Variants in LYRM4 observed in about 807,000 individuals in gnomAD.
LYRM4 encodes LYR motif containing 4.
LYRM4 carries 9 observed loss-of-function variants against 11.7 expected under a neutral mutation model. The ratio of observed to expected loss-of-function variants is 0.77; its 90% CI spans 0.46 to 1.34. The LOEUF is 1.34. Among genes scored for constraint, LYRM4 ranks in the 40% most tolerant of loss-of-function variants. The probability of loss-of-function intolerance (pLI) is 0.00; values close to 1 mark genes in which losing one functional copy is unlikely to be tolerated. For synonymous variants in LYRM4, 42 were observed against 40.4 expected (o/e 1.04, Z -0.15); for missense variants, 133 against 112.5 (o/e 1.18, Z -0.82).
the LYRM4 span, chr6:5,086,360 A>G: frequency 3.9e-6 from 6 of 1,536,036 alleles, no homozygotes; most frequent in African/African-American, 8.2e-5. Flanking sequence ...GGGGATGCCA[A>G]GAAAGAGCCA....
chr6:5,208,312 C>T (rs138997825), intron 2 of LYRM4, among the ~76,000 whole-genome samples: 6 of 152,312 alleles, frequency 3.9e-5, no homozygotes, highest in Non-Finnish European at 4.4e-5. Context: ...TGAGAACTTC[C>T]GCTTCTTGCC....
chr6:5,214,476 G>A (rs1241848329), intron 2 of LYRM4, among the ~76,000 whole-genome samples: 1 of 152,212 alleles, frequency 6.6e-6, no homozygotes, highest in Non-Finnish European at 1.5e-5. Context: ...CGAAGCAAGA[G>A]CCTTGAAGGG....
chr6:5,212,312 C>A (rs1411139282), intron 2 of LYRM4, among the ~76,000 whole-genome samples: 1 of 152,174 alleles, frequency 6.6e-6, no homozygotes, highest in Admixed American at 6.5e-5. Context: ...TTTAGAACAG[C>A]AAAATGGAGC....
the LYRM4 span, among the ~76,000 whole-genome samples, chr6:5,041,050 C>T: frequency 6.6e-6 from 1 of 152,060 alleles, no homozygotes; most frequent in Non-Finnish European, 1.5e-5. Flanking sequence ...CCTGTAGTCC[C>T]AGCTAATTGA....
At position 5,109,188 on chromosome 6, in the gene LYRM4, C is replaced by A; in HGVS notation, c.*235G>T. On this transcript the variant is annotated 3_prime_UTR_variant, in exon 3 of 3. Coordinates refer to ENST00000330636, the MANE Select transcript of LYRM4 (RefSeq NM_020408.6). ...GGTGCAGGGGAGACGTGGTAACACACAGCACTATTCTGAACGAACTCCAGC... is the reference window on the plus strand; with the variant it reads ...GGTGCAGGGGAGACGTGGTAACACAAAGCACTATTCTGAACGAACTCCAGC... The A allele has an allele frequency of 7.2e-7, 1 of 1,381,330 alleles. No individual in the cohort carries two copies. Among genetic ancestry groups the A allele is most frequent in the Non-Finnish European group, 9.4e-7 (1 of 1,065,950 alleles). 85.6% of individuals were successfully genotyped at this position (1,381,330 alleles called of 1,614,324 possible).
downstream of LYRM4, among the ~76,000 whole-genome samples, chr6:5,100,850 C>T (rs934507140): frequency 7.9e-5 from 12 of 152,192 alleles, no homozygotes; most frequent in East Asian, 1.9e-4. Flanking sequence ...ATCTTTGCTT[C>T]GCCCCCATCC....
the LYRM4 span, among the ~76,000 whole-genome samples, chr6:5,071,544 G>A: frequency 2.2e-3 from 244 of 110,086 alleles, 1 homozygote; most frequent in African/African-American, 7.1e-3. Context: ...ATATATATAT[G>A]TGTGTGTGTG....
At chr6:5,046,763 C>A in the LYRM4 span, among the ~76,000 whole-genome samples, 1 of 152,254 alleles carries the variant, frequency 6.6e-6, no homozygotes, top group East Asian at 1.9e-4. Context: ...GATTTCACAC[C>A]AAGATGGCTT....
At chr6:5,233,774 C>A (rs866600960) in intron 1 of LYRM4, among the ~76,000 whole-genome samples, 2 of 152,230 alleles carry the variant, frequency 1.3e-5, no homozygotes, top group Non-Finnish European at 2.9e-5. Flanking sequence ...CCATGCTCAG[C>A]CTGCATCTGA....
intron 2 of LYRM4, among the ~76,000 whole-genome samples, chr6:5,118,102 T>A (rs1265769147): frequency 1.3e-4 from 5 of 38,662 alleles, no homozygotes; most frequent in East Asian, 3.9e-3. Flanking sequence ...ATATTTTTGT[T>A]TTGTTTTGTT....
chr6:5,164,842 C>A lies in LYRM4; in HGVS notation c.207+51776G>T, dbSNP rs1028827415. Among the ~76,000 whole-genome samples the A allele has an allele frequency of 7.9e-5, 12 of 151,962 alleles. No individual in the cohort carries two copies. The South Asian group carries it at 1.2e-3, about 16-fold the overall frequency. On this transcript the variant is annotated intron_variant, in intron 2 of 2. Coordinates refer to ENST00000330636, the MANE Select transcript of LYRM4 (RefSeq NM_020408.6). ...AATTAGCTGGGTGTGGTGGTACACA[C>A]CTGTGATCCCAGCTACTCAGGAGGC... is the stretch of plus-strand genomic sequence containing the variant.
intron 2 of LYRM4, among the ~76,000 whole-genome samples, chr6:5,143,026 T>C (rs1028007627): frequency 3.3e-5 from 5 of 152,370 alleles, no homozygotes; most frequent in African/African-American, 1.2e-4. Flanking sequence ...GCATTCCGGA[T>C]ATGCTCTGTC....
At chr6:5,087,563 C>T in the LYRM4 span, 1 of 152,328 alleles carries the variant, frequency 6.6e-6, no homozygotes, top group South Asian at 2.1e-4. Flanking sequence ...CTTGCCGGGC[C>T]ATTAGCAGTC....
chr6:5,136,308 C>G (rs947703012), intron 2 of LYRM4: 9 of 985,318 alleles, frequency 9.1e-6, no homozygotes, highest in Non-Finnish European at 9.6e-6. Flanking sequence ...AAAACCAAAT[C>G]AGTATTCTTC....
At chr6:5,108,412 C>T (rs904871981), downstream of LYRM4, 10 of 971,260 alleles carry the variant, frequency 1.0e-5, no homozygotes, top group Middle Eastern at 1.0e-3. Context: ...GAATCTGTTT[C>T]CAAGAATAAA....
At chr6:5,231,387 A>G (rs17139851) in intron 1 of LYRM4, among the ~76,000 whole-genome samples, 7,445 of 152,212 alleles carry the variant, frequency 0.049, 597 homozygotes, top group African/African-American at 0.16. Flanking sequence ...TCCTGGTTTT[A>G]AAAGGACAGC....
chr6:5,243,005 C>T (rs1307408376), intron 1 of LYRM4, among the ~76,000 whole-genome samples: 4 of 151,710 alleles, frequency 2.6e-5, no homozygotes, highest in African/African-American at 7.3e-5. Flanking sequence ...GATCTCCTGA[C>T]CTCATGATCC....
Position 5,155,726 on chromosome 6 carries a change from A to G in LYRM4, c.208-46235T>C, listed in dbSNP as rs1054144990. Among the ~76,000 whole-genome samples, 3 of 152,212 alleles carry G rather than the reference A, an allele frequency of 2.0e-5. No homozygotes were observed. In the East Asian group the frequency reaches 5.8e-4, roughly 29 times the overall value. On this transcript the variant is annotated intron_variant, in intron 2 of 2. Coordinates refer to ENST00000330636, the MANE Select transcript of LYRM4 (RefSeq NM_020408.6). ...TTTCTTGGCAGCAAAACGTATGGAT[A>G]GCCTCTCCCAGCTACTTTGAAGGCT...
At chr6:5,042,033 AG>A in the LYRM4 span, among the ~76,000 whole-genome samples, 1 of 152,236 alleles carries the variant, frequency 6.6e-6, no homozygotes, top group African/African-American at 2.4e-5. Context: ...GATTTTTAAA[AG>A]CCTGAGTACT....
Sources: gnomAD v4.1 joint callset for allele counts (sites outside exome capture counted in the v4.1 genomes callset) on GRCh38, gnomAD v4.1.1 for gene constraint, MANE v1.5 for transcripts, NCBI Gene and HGNC (gene_info 2026-07-23, HGNC 2026-07-21) for gene names.